KCTD1: variants seen among roughly 807,000 people sequenced by gnomAD.
The protein encoded by KCTD1 is BTB/POZ domain-containing protein KCTD1.
KCTD1 carries 24 observed loss-of-function variants against 66.0 expected under a neutral mutation model. The observed-to-expected ratio is 0.36, with a 90% CI of 0.26 to 0.51. The LOEUF is 0.51. KCTD1 is among the 20% of genes least tolerant of loss of function. The probability of loss-of-function intolerance (pLI) is 0.95; values close to 1 mark genes in which losing one functional copy is unlikely to be tolerated. For synonymous variants in KCTD1, 511 were observed against 517.2 expected (o/e 0.99, Z 0.16); for missense variants, 943 against 1,205.2 (o/e 0.78, Z 3.22).
chr18:26,472,388 CTTTTTTGACAACTTTATTT>C (rs769172730), intron 3 of KCTD1, among the ~76,000 whole-genome samples: 53 of 151,988 alleles, frequency 3.5e-4, no homozygotes, highest in Non-Finnish European at 6.3e-4. Context: ...AACTTGACTT[CTTTTTTGACAACTTTATTT>C]AAAAATTATT....
intron 1 of KCTD1, among the ~76,000 whole-genome samples, chr18:26,617,845 A>G (rs1783377380): frequency 1.1e-5 from 1 of 91,410 alleles, no homozygotes; most frequent in South Asian, 5.4e-4. Context: ...GGAAGGAAGG[A>G]AGGAAGGGAG....
intron 1 of KCTD1, among the ~76,000 whole-genome samples, chr18:26,539,413 C>A (rs562612731): frequency 6.6e-6 from 1 of 152,144 alleles, no homozygotes; most frequent in Non-Finnish European, 1.5e-5. Context: ...CACAGAGTGG[C>A]GGGATTTTTG....
chr18:26,613,105 A>G (rs1987172201), intron 1 of KCTD1, among the ~76,000 whole-genome samples: 1 of 152,178 alleles, frequency 6.6e-6, no homozygotes, highest in Non-Finnish European at 1.5e-5. Flanking sequence ...TCCCCTGTGC[A>G]TGACAGGAGT....
upstream of KCTD1, among the ~76,000 whole-genome samples, chr18:26,642,809 T>C (rs1987856830): frequency 1.4e-5 from 2 of 146,224 alleles, no homozygotes; most frequent in South Asian, 4.2e-4. Context: ...TGTCCCATTT[T>C]GAAAAGGCGT....
chr18:26,528,649 G>A (rs1018223315), intron 1 of KCTD1, among the ~76,000 whole-genome samples: 20 of 151,938 alleles, frequency 1.3e-4, no homozygotes, highest in African/African-American at 4.6e-4. Flanking sequence ...CTCAATTCTC[G>A]CCAATATGGC....
intron 1 of KCTD1, among the ~76,000 whole-genome samples, chr18:26,627,262 TTGTGTGTGTG>T (rs59902249): frequency 0.01 from 1,523 of 145,496 alleles, 13 homozygotes; most frequent in African/African-American, 0.026. Flanking sequence ...CTTCTGGGTT[TTGTGTGTGTG>T]TGTGTGTGTG....
chr18:26,630,682 G>T (rs116888175), upstream of KCTD1, among the ~76,000 whole-genome samples: 1 of 152,184 alleles, frequency 6.6e-6, no homozygotes, highest in Non-Finnish European at 1.5e-5. Context: ...TATGTATAAA[G>T]TATTTTTGCT....
At chr18:26,592,594 G>T (rs1417109767) in intron 1 of KCTD1, among the ~76,000 whole-genome samples, 1 of 152,164 alleles carries the variant, frequency 6.6e-6, no homozygotes, top group Non-Finnish European at 1.5e-5. Flanking sequence ...TCCAACATGA[G>T]CCCTATATGT....
rs1156380279 is a variant in KCTD1 at position 26,547,161 on chromosome 18, G to A, written c.1376C>T (p.Ala459Val). ...TNHCIGAVSI[A>V]TLNSIAGIGT... ...AATGCCCGCGATGCTGTTGAGCGTG[G>A]CGATGGAGACGGCGCCGATGCAGTG... Residue 459 changes from alanine to valine, a missense_variant, in exon 1 of 5, where the codon GCC becomes GTC. Physicochemically the swap from Ala to Val is moderately conservative, Grantham distance 64. Coordinates refer to ENST00000580059, the MANE Select transcript of KCTD1 (RefSeq NM_001142730.3). 1.3e-6 allele frequency: 2 copies of A among 1,551,110 alleles called. No individual in the cohort carries two copies. Among genetic ancestry groups the A allele is most frequent in the African/African-American group, 1.4e-5 (1 of 73,176 alleles).
intron 2 of KCTD1, among the ~76,000 whole-genome samples, chr18:26,493,549 C>G (rs997987964): frequency 6.6e-6 from 1 of 151,958 alleles, no homozygotes; most frequent in Non-Finnish European, 1.5e-5. Context: ...TCTAGATGTT[C>G]TTTTGCTTTT....
chr18:26,620,276 A>G (rs1987344229), intron 1 of KCTD1, among the ~76,000 whole-genome samples: 1 of 143,004 alleles, frequency 7.0e-6, no homozygotes, highest in Admixed American at 7.4e-5. Context: ...GATTGTCTTC[A>G]CTGTTCTCCA....
rs181347553 is a variant in KCTD1, at chr18:26,572,401, T to C, written c.-16+56746A>G. On this transcript the variant is annotated intron_variant, in intron 1 of 4. Coordinates refer to the KCTD1 transcript ENST00000317932. ...ATTACAGCATGACAAATGAGATTTC[T>C]TTCTGTGCAAGAAAATTAGGTAATT... Among the ~76,000 whole-genome samples the C allele has an allele frequency of 4.6e-3, 703 of 152,314 alleles. 4 individuals are homozygous for C. The highest frequency in any genetic ancestry group is 0.016 in the African/African-American group (665 of 41,568).
intron 1 of KCTD1, among the ~76,000 whole-genome samples, chr18:26,624,989 A>C (rs1234139597): frequency 1.3e-5 from 2 of 152,190 alleles, no homozygotes; most frequent in African/African-American, 4.8e-5. Flanking sequence ...TGGAAATGTA[A>C]GGTTTGGTGA....
At chr18:26,481,542 T>C (rs1456188805) in intron 2 of KCTD1, among the ~76,000 whole-genome samples, 1 of 152,160 alleles carries the variant, frequency 6.6e-6, no homozygotes, top group African/African-American at 2.4e-5. Flanking sequence ...TCAAGGAGTT[T>C]AGATTTGGTC....
At chr18:26,618,685 A>C (rs1328949462) in intron 1 of KCTD1, among the ~76,000 whole-genome samples, 2 of 152,228 alleles carry the variant, frequency 1.3e-5, no homozygotes, top group Non-Finnish European at 2.9e-5. Context: ...TTTCCAAATC[A>C]GGGTTGTTAT....
chr18:26,588,916 T>C (rs1986533104), intron 1 of KCTD1, among the ~76,000 whole-genome samples: 1 of 152,098 alleles, frequency 6.6e-6, no homozygotes, highest in Admixed American at 6.6e-5. Context: ...TTGGATGAAA[T>C]ATGGAAGAGG....
upstream of KCTD1, chr18:26,549,053 C>A (rs1358393376): frequency 1.0e-6 from 1 of 985,024 alleles, no homozygotes; most frequent in Admixed American, 6.2e-5. Flanking sequence ...CTGCGCCGGG[C>A]GGGCCGCGGG....
upstream of KCTD1, among the ~76,000 whole-genome samples, chr18:26,553,135 C>A (rs1985618401): frequency 6.6e-6 from 1 of 151,956 alleles, no homozygotes; most frequent in Admixed American, 6.6e-5. Context: ...GGACTACAGG[C>A]CTGCTCCACC....
intron 1 of KCTD1, among the ~76,000 whole-genome samples, chr18:26,655,413 T>G (rs377724522): frequency 1.5e-3 from 230 of 150,460 alleles, no homozygotes; most frequent in Non-Finnish European, 2.5e-3. Flanking sequence ...TAAACTGTTA[T>G]GTCTCCCAGT....
Sources: allele counts gnomAD v4.1 joint callset (sites outside exome capture counted in the v4.1 genomes callset), GRCh38; gene constraint gnomAD v4.1.1; transcripts MANE v1.5; gene names NCBI Gene and HGNC (gene_info 2026-07-23, HGNC 2026-07-21).